COL25A1: variants seen among roughly 807,000 people sequenced by gnomAD.
COL25A1 encodes the protein collagen type XXV alpha 1 chain, also known as collagen alpha-1(XXV) chain.
In COL25A1, 103 loss-of-function variants were observed where a neutral mutation model predicts 128.4. The observed-to-expected ratio is 0.80, with a 90% confidence interval of 0.68 to 0.94. COL25A1 has a LOEUF of 0.94. Among genes scored for constraint, COL25A1 ranks in the 40% least tolerant of loss-of-function variants. COL25A1 has a pLI of 0.00. For missense variants in COL25A1, 745 were observed against 840.0 expected (o/e 0.89, Z 1.40); for synonymous variants, 279 against 277.2 (o/e 1.01, Z -0.06).
intron 11 of COL25A1, among the ~76,000 whole-genome samples, chr4:108,933,519 A>G (rs1747011668): frequency 6.6e-6 from 1 of 152,210 alleles, no homozygotes; most frequent in Non-Finnish European, 1.5e-5. Context: ...TCTTAATTGC[A>G]CTATTTGACA....
At position 109,017,099 on chromosome 4, in the gene COL25A1, C is replaced by T. The variant is rs80174898; in HGVS notation, c.421-6724G>A. Among the ~76,000 whole-genome samples, 826 of 152,320 alleles carry T rather than the reference C, an allele frequency of 5.4e-3. 21 individuals are homozygous for T. The East Asian group carries it at 0.078, about 14-fold the overall frequency. ...TCTGGTGTCTCCAAGTTTCTGGGCA[C>T]CACCACATTCCCCTTGTCCAGACAT... On this transcript the variant is annotated intron_variant, in intron 5 of 37. Coordinates refer to ENST00000399132, the MANE Select transcript of COL25A1 (RefSeq NM_198721.4).
chr4:109,079,551 C>T (rs998931161), intron 3 of COL25A1, among the ~76,000 whole-genome samples: 4 of 152,042 alleles, frequency 2.6e-5, no homozygotes, highest in African/African-American at 9.7e-5. Context: ...CAGAGATATA[C>T]AAACACCTAT....
At chr4:109,093,956 C>G (rs1765179369) in intron 3 of COL25A1, among the ~76,000 whole-genome samples, 1 of 151,410 alleles carries the variant, frequency 6.6e-6, no homozygotes, top group Non-Finnish European at 1.5e-5. Context: ...AATATCCATA[C>G]CAAATCAAAG....
At chr4:108,827,307 T>A (rs1732513799) in intron 32 of COL25A1, 119 bp from the exon 33 acceptor site, 3 of 889,856 alleles carry the variant, frequency 3.4e-6, no homozygotes, top group Non-Finnish European at 3.7e-6. Flanking sequence ...TCTCAAAGAT[T>A]TAGCCTCTTG....
intron 3 of COL25A1, among the ~76,000 whole-genome samples, chr4:109,197,562 G>C (rs1776227191): frequency 7.1e-6 from 1 of 140,814 alleles, no homozygotes; most frequent in Non-Finnish European, 1.5e-5. Context: ...GAGAGTCACA[G>C]GACAATCTTT....
At chr4:109,004,345 G>T (rs9995725) in intron 6 of COL25A1, among the ~76,000 whole-genome samples, 121,075 of 151,956 alleles carry the variant, frequency 0.8, 49,363 homozygotes, top group East Asian at 1. Flanking sequence ...TAAAACCTTA[G>T]TAATCTGGAA....
At chr4:109,285,042 C>T (rs1723743205) in intron 3 of COL25A1, among the ~76,000 whole-genome samples, 1 of 151,728 alleles carries the variant, frequency 6.6e-6, no homozygotes, top group African/African-American at 2.4e-5. Context: ...TTTTTCTCTC[C>T]CATTCTTGCA....
chr4:109,119,516 C>A (rs1767921297), intron 3 of COL25A1, among the ~76,000 whole-genome samples: 1 of 151,860 alleles, frequency 6.6e-6, no homozygotes, highest in Non-Finnish European at 1.5e-5. Context: ...ATGGACATTA[C>A]AAGGATAACA....
chr4:109,197,833 A>T (rs1212027737), intron 3 of COL25A1, among the ~76,000 whole-genome samples: 1 of 152,010 alleles, frequency 6.6e-6, no homozygotes, highest in Admixed American at 6.6e-5. Flanking sequence ...TAAGTTATTC[A>T]TCCTCTCAAA....
At chr4:109,126,799 A>T (rs1417283774) in intron 3 of COL25A1, among the ~76,000 whole-genome samples, 2 of 151,886 alleles carry the variant, frequency 1.3e-5, no homozygotes, top group Non-Finnish European at 2.9e-5. Flanking sequence ...ATAGCTTTTC[A>T]TTTTGAAGAC....
chr4:109,299,620 A>G (rs1452172597), intron 3 of COL25A1, among the ~76,000 whole-genome samples: 1 of 152,224 alleles, frequency 6.6e-6, no homozygotes, highest in Non-Finnish European at 1.5e-5. Flanking sequence ...ATAAGCACCT[A>G]AGTATCATGT....
In COL25A1 at chr4:108,832,317, T is replaced by TATGGAAAA. The variant is rs1235500295; in HGVS notation, c.1710+55_1710+62dup. 4 of 1,142,458 alleles carry TATGGAAAA rather than the reference T, an allele frequency of 3.5e-6. No homozygotes were observed. The African/African-American group carries it at 6.3e-5, about 18-fold the overall frequency. 70.8% of individuals were successfully genotyped at this position (1,142,458 alleles called of 1,614,324 possible). ...TCTGAAAAATGAACAGTTAAATTAA[T>TATGGAAAA]ATGGAAAAGCCATGCTCTGTGTTTT... On this transcript the variant is annotated intron_variant, in intron 32 of 37. Coordinates refer to ENST00000399132, the MANE Select transcript of COL25A1 (RefSeq NM_198721.4).
intron 3 of COL25A1, among the ~76,000 whole-genome samples, chr4:109,059,499 T>C (rs150250657): frequency 1.2e-3 from 178 of 152,340 alleles, no homozygotes; most frequent in Non-Finnish European, 2.2e-3. Context: ...AAGCCCTTTA[T>C]TTAAAATCTT....
At chr4:108,971,148 T>C (rs1751869510) in intron 8 of COL25A1, among the ~76,000 whole-genome samples, 1 of 152,184 alleles carries the variant, frequency 6.6e-6, no homozygotes, top group Non-Finnish European at 1.5e-5. Context: ...TTCACTTTTC[T>C]AGCACCTCTT....
chr4:108,852,390 C>A, intron 25 of COL25A1, 110 bp from the exon 26 acceptor site: 1 of 799,446 alleles, frequency 1.3e-6, no homozygotes, highest in Non-Finnish European at 1.9e-6. Flanking sequence ...AATCAGATCT[C>A]CCCAAATATA....
chr4:109,300,192 A>C (rs947948736), intron 3 of COL25A1, among the ~76,000 whole-genome samples: 3 of 152,010 alleles, frequency 2.0e-5, no homozygotes, highest in Non-Finnish European at 2.9e-5. Context: ...AAAAAAAAAA[A>C]AAAACTCTGC....
intron 23 of COL25A1, 91 bp downstream of exon 23, chr4:108,860,831 TATTAA>T: frequency 9.9e-7 from 1 of 1,014,900 alleles, no homozygotes; most frequent in Non-Finnish European, 1.6e-6. Context: ...TATTAAGTAT[TATTAA>T]TACAGATGTC....
chr4:109,259,631 C>G (rs1269423757), intron 3 of COL25A1, among the ~76,000 whole-genome samples: 3 of 152,180 alleles, frequency 2.0e-5, no homozygotes, highest in Non-Finnish European at 2.9e-5. Flanking sequence ...TTCAACAGCA[C>G]AGTCTTACCA....
chr4:109,116,667 G>C (rs1214834832), intron 3 of COL25A1, among the ~76,000 whole-genome samples: 1 of 152,020 alleles, frequency 6.6e-6, no homozygotes, highest in East Asian at 1.9e-4. Flanking sequence ...ACAAGCATCA[G>C]AACCAGAGTC....
Sources: allele counts gnomAD v4.1 joint callset (sites outside exome capture counted in the v4.1 genomes callset), GRCh38; gene constraint gnomAD v4.1.1; transcripts MANE v1.5; gene names NCBI Gene and HGNC (gene_info 2026-07-23, HGNC 2026-07-21).